LETM2: variants seen among roughly 807,000 people sequenced by gnomAD.
The protein encoded by LETM2 is leucine zipper and EF-hand containing transmembrane protein 2.
Under a neutral mutation model 59.6 loss-of-function variants are expected in LETM2, and 58 were observed. That is an observed-to-expected ratio of 0.97 (90% CI 0.79 to 1.21). The LOEUF (loss-of-function observed/expected upper bound fraction) is 1.21, where lower values mean the gene tolerates loss of function less well. LETM2 is among the 50% of genes most tolerant of loss of function. The pLI is 0.00. For missense variants in LETM2, 572 were observed against 575.7 expected (o/e 0.99, Z 0.07); for synonymous variants, 199 against 214.1 (o/e 0.93, Z 0.62).
In LETM2 at chr8:38,400,853, G is replaced by A. The variant is rs775064904; in HGVS notation, c.784G>A (p.Val262Ile). ...STQLSSYVKQ[V>I]QTGHKPSTKE... ...TTGGCCTTTTTGTCCCACTGCATAG[G>A]TCCAGACAGGCCACAAGCCCAGCAC... is the stretch of plus-strand genomic sequence containing the variant. Residue 262 changes from valine to isoleucine, a missense_variant and splice_region_variant, in exon 6 of 11, where the codon GTC becomes ATC. Val to Ile is a conservative substitution (Grantham distance 29). Transcript: ENST00000379957. 8.7e-6 allele frequency: 14 copies of A among 1,613,940 alleles called. No individual in the cohort carries two copies. Among genetic ancestry groups the A allele is most frequent in the Admixed American group, 5.0e-5 (3 of 60,010 alleles).
At position 38,400,326 on chromosome 8, in the gene LETM2, C is replaced by T. The variant is rs761128959; in HGVS notation, c.700C>T (p.Gln234Ter). ...AVKLELAKFL[Q>*]ETMTEMARRN... is the part of the protein sequence containing the mutation. ...AAAGTTGGAACTAGCAAAATTTCTT[C>T]AAGAAACCATGACAGAAATGGCAAG... The change falls in exon 5 of 11, where the codon CAA becomes TAA. Residue 234 changes from glutamine to a stop codon, truncating the protein, a stop_gained. Transcript: ENST00000379957. LOFTEE classifies it high-confidence loss of function. The T allele has an allele frequency of 1.3e-5, 21 of 1,613,136 alleles. No individual in the cohort carries two copies. Among genetic ancestry groups the T allele is most frequent in the Admixed American group, 6.7e-5 (4 of 59,914 alleles).
chr8:38,406,140 T>C (rs1345489319), intron 8 of LETM2, among the ~76,000 whole-genome samples: 1 of 152,222 alleles, frequency 6.6e-6, no homozygotes, highest in Non-Finnish European at 1.5e-5. Flanking sequence ...AGCTATTCTA[T>C]CACCACTCCC....
intron 6 of LETM2, among the ~76,000 whole-genome samples, chr8:38,401,389 A>T (rs1176131023): frequency 6.6e-6 from 1 of 152,178 alleles, no homozygotes; most frequent in Non-Finnish European, 1.5e-5. Context: ...CACCCGCCTC[A>T]GCCTCCCAAA....
At chr8:38,408,000 A>G in intron 10 of LETM2, 1 of 510,824 alleles carries the variant, frequency 2.0e-6, no homozygotes, top group South Asian at 2.1e-5. Context: ...ATCTATGAAG[A>G]CACAGATGGG....
chr8:38,394,643 A>G (rs1261800951), intron 4 of LETM2, among the ~76,000 whole-genome samples: 1 of 151,934 alleles, frequency 6.6e-6, no homozygotes, highest in Non-Finnish European at 1.5e-5. Context: ...GGAGTTTGAG[A>G]CCAGCCTGGG....
chr8:38,404,390 C>G lies in LETM2; in HGVS notation c.1105-3C>G. ...CACGTGTTGTTCCCCTCCCGTTCTC[C>G]AGTGGCAGGACCTCCACCTGAAGGA... On this transcript the variant is annotated splice_polypyrimidine_tract_variant and splice_region_variant and intron_variant, in intron 7 of 10. Transcript: ENST00000379957. 1 of 1,599,968 alleles carries G rather than the reference C, an allele frequency of 6.3e-7. No homozygotes were observed. Among genetic ancestry groups the G allele is most frequent in the Non-Finnish European group, 8.6e-7 (1 of 1,167,176 alleles).
chr8:38,388,077 C>CT, intron 2 of LETM2, 47 bp downstream of exon 2: 3 of 1,112,352 alleles, frequency 2.7e-6, no homozygotes, highest in Admixed American at 2.9e-5. Context: ...TCTTCTTCTT[C>CT]TTCTTTTTTT....
chr8:38,402,915 C>G (rs59498392), intron 7 of LETM2, among the ~76,000 whole-genome samples: 29,619 of 151,910 alleles, frequency 0.19, 3,088 homozygotes, highest in East Asian at 0.3. Flanking sequence ...CAGAAGTGCA[C>G]GCTGTGCTCC....
At chr8:38,390,684 T>C (rs1297935201) in intron 2 of LETM2, among the ~76,000 whole-genome samples, 5 of 150,346 alleles carry the variant, frequency 3.3e-5, no homozygotes, top group African/African-American at 1.2e-4. Flanking sequence ...TTTTGTTTTT[T>C]GTTTTTTGTT....
At chr8:38,397,093 C>A (rs542160921) in intron 4 of LETM2, 1 of 455,976 alleles carries the variant, frequency 2.2e-6, no homozygotes, top group Non-Finnish European at 4.4e-6. Context: ...TCCTTCTCCC[C>A]GTTCTGTGCC....
intron 4 of LETM2, chr8:38,396,883 A>C: frequency 3.4e-6 from 1 of 295,268 alleles, no homozygotes; most frequent in Non-Finnish European, 6.7e-6. Flanking sequence ...ACTGCACTGC[A>C]CTCCAGCCTG....
intron 7 of LETM2, 63 bp from the exon 8 acceptor site, chr8:38,404,330 A>T: frequency 1.8e-6 from 2 of 1,132,434 alleles, no homozygotes; most frequent in Non-Finnish European, 2.7e-6. Context: ...AGGGTAGATG[A>T]CCGCGGATCA....
chr8:38,395,070 C>T (rs746348027), intron 4 of LETM2, among the ~76,000 whole-genome samples: 7 of 152,160 alleles, frequency 4.6e-5, no homozygotes, highest in Non-Finnish European at 7.3e-5. Context: ...CTTTTTATCA[C>T]TGAGTGATAG....
At chr8:38,408,190 A>G (rs2150461773) in intron 10 of LETM2, 22 bp from the exon 11 acceptor site, 2 of 1,605,442 alleles carry the variant, frequency 1.2e-6, no homozygotes, top group African/African-American at 1.3e-5. Context: ...TAATGCCTAC[A>G]GTCCTTGTTT....
chr8:38,401,372 A>G (rs1432814237), intron 6 of LETM2, among the ~76,000 whole-genome samples: 1 of 152,106 alleles, frequency 6.6e-6, no homozygotes, highest in Non-Finnish European at 1.5e-5. Context: ...CCTGACCTCA[A>G]GTGATCCACC....
At chr8:38,395,762 C>T (rs1812635360) in intron 4 of LETM2, among the ~76,000 whole-genome samples, 1 of 152,220 alleles carries the variant, frequency 6.6e-6, no homozygotes, top group African/African-American at 2.4e-5. Context: ...GTGATCCACA[C>T]ACCTCAGCCT....
chr8:38,404,199 G>A, intron 7 of LETM2, 194 bp from the exon 8 acceptor site: 1 of 541,336 alleles, frequency 1.8e-6, no homozygotes. Flanking sequence ...AGTGAGGGAG[G>A]CTGTAGGGTG....
chr8:38,394,131 G>C lies in LETM2; in HGVS notation c.535G>C (p.Val179Leu). The C allele has an allele frequency of 6.7e-7, 1 of 1,491,754 alleles. No homozygotes were observed. The highest frequency in any genetic ancestry group is 8.9e-7 in the Non-Finnish European group (1 of 1,127,584). 92.4% of individuals were successfully genotyped at this position (1,491,754 alleles called of 1,614,324 possible). A position where few individuals can be genotyped will look rare whatever the true frequency, so the allele number is the denominator to read the frequency against. Residue 179 changes from valine to leucine, a missense_variant, in exon 4 of 11, where the codon GTT becomes CTT. By Grantham distance (32) the Val-to-Leu change is conservative. Transcript: ENST00000379957. ...LRTCVDFFRL[V>L]PFMVFLIVPF... ...AACTTGTGTTGATTTCTTCCGCCTG[G>C]TTCCATTTATGGTGTTCTTAATTGT... is the stretch of plus-strand genomic sequence containing the variant.
chr8:38,401,132 A>G, intron 6 of LETM2, 79 bp downstream of exon 6: 4 of 1,213,238 alleles, frequency 3.3e-6, no homozygotes, highest in East Asian at 2.4e-5. Flanking sequence ...TGAAGTGTGC[A>G]GTATTTTTTG....
Sources: gnomAD v4.1 joint callset for allele counts (sites outside exome capture counted in the v4.1 genomes callset) on GRCh38, gnomAD v4.1.1 for gene constraint, MANE v1.5 for transcripts, NCBI Gene and HGNC (gene_info 2026-07-23, HGNC 2026-07-21) for gene names.